The following KMT5A variants were observed in gnomAD, a reference collection of about 807,000 sequenced individuals.
KMT5A encodes the protein lysine methyltransferase 5A, also known as N-lysine methyltransferase KMT5A.
A neutral mutation model predicts 40.6 loss-of-function variants in KMT5A; 6 were observed. The ratio of observed to expected loss-of-function variants is 0.15; its 90% CI spans 0.08 to 0.29. The LOEUF is 0.29. KMT5A is among the 10% of genes least tolerant of loss of function. The pLI, the probability that KMT5A is intolerant of heterozygous loss-of-function variation, is 1.00. For missense variants in KMT5A, 308 were observed against 459.1 expected, an observed-to-expected ratio of 0.67 and a Z score of 3.01; for synonymous variants, 153 against 178.8, an observed-to-expected ratio of 0.86 and a Z score of 1.15.
At chr12:123,392,380 G>A (rs1030729481) in intron 3 of KMT5A, among the ~76,000 whole-genome samples, 3 of 152,138 alleles carry the variant, frequency 2.0e-5, no homozygotes, top group Non-Finnish European at 2.9e-5. Context: ...GTCAGAGTCC[G>A]GGCATGGTGG....
intron 7 of KMT5A, 130 bp downstream of exon 7, chr12:123,405,204 TA>T: frequency 1.0e-6 from 1 of 971,060 alleles, no homozygotes; most frequent in Non-Finnish European, 1.5e-6. Flanking sequence ...TTTTTTTTTT[TA>T]TTTTTTGAGA....
intron 3 of KMT5A, among the ~76,000 whole-genome samples, chr12:123,394,261 A>T (rs926788694): frequency 3.3e-5 from 5 of 151,308 alleles, no homozygotes; most frequent in African/African-American, 1.2e-4. Flanking sequence ...CCGCCAGTAC[A>T]CTTGGCTAAT....
In KMT5A at chr12:123,409,198, A is replaced by G. The variant is rs1464909619; in HGVS notation, c.*1495A>G. 2.6e-5 allele frequency: 4 copies of G among 151,208 alleles called. No individual in the cohort carries two copies. The highest frequency in any genetic ancestry group is 4.4e-5 in the Non-Finnish European group (3 of 67,658). The allele number at this position is 151,208 out of a possible 1,614,324, so 9.4% of individuals were successfully genotyped here. On this transcript the variant is annotated 3_prime_UTR_variant, in exon 8 of 8. Transcript: ENST00000402868. ...CCCGCTAGCCTGGTCAGTGGTCAGC[A>G]AATTGGAAGAGGATCCGATGGGAGT...
chr12:123,394,022 T>C (rs1047844886), intron 3 of KMT5A, among the ~76,000 whole-genome samples: 14 of 152,290 alleles, frequency 9.2e-5, no homozygotes, highest in African/African-American at 3.4e-4. Context: ...GTTTAACTTT[T>C]TGGGAAAATG....
chr12:123,395,280 T>C lies in KMT5A; in HGVS notation c.509+14T>C, dbSNP rs553027265. On this transcript the variant is annotated intron_variant, in intron 4 of 7. Coordinates refer to ENST00000402868, the MANE Select transcript of KMT5A (RefSeq NM_020382.7). ...CCCCCGAAAAAAGTAAGTGCCCCAT[T>C]CAGTCCTCTTCCTAACGTGGAGCAG... is the stretch of plus-strand genomic sequence containing the variant. The C allele has an allele frequency of 1.7e-5, 27 of 1,609,260 alleles. No individual in the cohort carries two copies. The South Asian group carries it at 2.3e-4, about 14-fold the overall frequency.
chr12:123,390,644 C>T lies in KMT5A; in HGVS notation c.147C>T (p.Thr49=), dbSNP rs750081601. The change falls in exon 3 of 8, where the codon ACC becomes ACT. Residue 49 remains threonine (T), a synonymous_variant. Coordinates refer to ENST00000402868, the MANE Select transcript of KMT5A (RefSeq NM_020382.7). Reference sequence around the variant, plus strand: ...TGTCTTTTTAGGAGAACGTATTTACCGGGCAGTCAAAGATCTATTCCTACA... The same window carrying T: ...TGTCTTTTTAGGAGAACGTATTTACTGGGCAGTCAAAGATCTATTCCTACA... ...RPRTDGENVF[T]GQSKIYSYMS... 20 of 1,613,730 alleles carry T rather than the reference C, an allele frequency of 1.2e-5. No homozygotes were observed. The highest frequency in any genetic ancestry group is 1.7e-4 in the Middle Eastern group (1 of 6,046).
At chr12:123,396,137 C>T (rs745397474) in intron 4 of KMT5A, among the ~76,000 whole-genome samples, 2 of 152,132 alleles carry the variant, frequency 1.3e-5, no homozygotes, top group Non-Finnish European at 2.9e-5. Flanking sequence ...TGAGGCACTG[C>T]GCCCAGCCAG....
intron 7 of KMT5A, among the ~76,000 whole-genome samples, chr12:123,405,335 T>A (rs1878456405): frequency 6.6e-6 from 1 of 151,706 alleles, no homozygotes; most frequent in Non-Finnish European, 1.5e-5. Context: ...AGCTAATTTT[T>A]TTTTTCTGTA....
At chr12:123,404,518 T>C (rs2139203776) in intron 6 of KMT5A, among the ~76,000 whole-genome samples, 1 of 152,344 alleles carries the variant, frequency 6.6e-6, no homozygotes, top group South Asian at 2.1e-4. Flanking sequence ...TGTGTCACTG[T>C]CTAGCTGTGT....
rs1204209351 is a variant in KMT5A at position 123,408,371 on chromosome 12, A to G, written c.*668A>G. 1.3e-5 allele frequency: 2 copies of G among 152,362 alleles called. No individual in the cohort carries two copies. The highest frequency in any genetic ancestry group is 4.8e-5 in the African/African-American group (2 of 41,372). The allele number at this position is 152,362 out of a possible 1,614,324, so 9.4% of individuals were successfully genotyped here. On this transcript the variant is annotated 3_prime_UTR_variant, in exon 8 of 8. Coordinates refer to ENST00000402868, the MANE Select transcript of KMT5A (RefSeq NM_020382.7). ...GCATCAGGGCGTGAAATCAAACTAG[A>G]TGTGGGCAGGGAGAGGGTTGCTTAC...
chr12:123,394,674 C>T (rs1877560525), intron 3 of KMT5A, among the ~76,000 whole-genome samples: 1 of 152,168 alleles, frequency 6.6e-6, no homozygotes, highest in African/African-American at 2.4e-5. Context: ...CTCCTGTCCC[C>T]TAATGCTGTC....
intron 5 of KMT5A, 123 bp downstream of exon 5, chr12:123,396,555 C>A: frequency 1.2e-6 from 1 of 844,628 alleles, no homozygotes. Context: ...AGTCTCTTGG[C>A]CCCTCTGGAC....
Position 123,396,579 on chromosome 12 carries a change from G to A in KMT5A, c.597+147G>A, listed in dbSNP as rs189074890. 73 of 693,920 alleles carry A rather than the reference G, an allele frequency of 1.1e-4. No individual in the cohort carries two copies. In the African/African-American group the frequency reaches 1.3e-3, roughly 12 times the overall value. The allele number at this position is 693,920 out of a possible 1,614,324, so 43.0% of individuals were successfully genotyped here. On this transcript the variant is annotated intron_variant, in intron 5 of 7. Coordinates refer to ENST00000402868, the MANE Select transcript of KMT5A (RefSeq NM_020382.7). ...GCCCCTCTGGACTTGGTTTTCTCCT[G>A]GATCTATCGGGGATCCTCACAAAGC...
intron 2 of KMT5A, among the ~76,000 whole-genome samples, chr12:123,389,824 G>A (rs377314405): frequency 2.0e-5 from 3 of 152,076 alleles, no homozygotes; most frequent in South Asian, 2.1e-4. Context: ...GGGCCTGCGC[G>A]GGCCCCTCGG....
chr12:123,393,014 T>A (rs979982776), intron 3 of KMT5A, among the ~76,000 whole-genome samples: 4 of 151,978 alleles, frequency 2.6e-5, no homozygotes. Context: ...GTAGCTGAGA[T>A]TACAGGTGCC....
intron 2 of KMT5A, among the ~76,000 whole-genome samples, chr12:123,389,783 C>A (rs1214488715): frequency 1.3e-5 from 2 of 152,138 alleles, no homozygotes; most frequent in East Asian, 3.9e-4. Flanking sequence ...ACCCTACTTC[C>A]CCGGAGGTGG....
chr12:123,403,237 G>C (rs1878311585), intron 5 of KMT5A, among the ~76,000 whole-genome samples: 1 of 152,272 alleles, frequency 6.6e-6, no homozygotes, highest in African/African-American at 2.4e-5. Flanking sequence ...TCAGAGGCCT[G>C]ATTTTCAGGT....
chr12:123,387,269 T>C (rs1259711755), intron 1 of KMT5A, among the ~76,000 whole-genome samples: 1 of 152,160 alleles, frequency 6.6e-6, no homozygotes, highest in East Asian at 1.9e-4. Flanking sequence ...TTGAGAGGAA[T>C]AGGTGCTAGA....
chr12:123,389,589 G>T, intron 2 of KMT5A, 35 bp downstream of exon 2: 1 of 1,066,950 alleles, frequency 9.4e-7, no homozygotes, highest in Non-Finnish European at 1.1e-6. Flanking sequence ...CCTGCGGCGC[G>T]CCCGCCGGGC....
Sources: allele counts gnomAD v4.1 joint callset (sites outside exome capture counted in the v4.1 genomes callset), GRCh38; gene constraint gnomAD v4.1.1; transcripts MANE v1.5; gene names NCBI Gene and HGNC (gene_info 2026-07-23, HGNC 2026-07-21).